Variants in FHDC1 observed in about 807,000 individuals in gnomAD.
The protein encoded by FHDC1 is FH2 domain containing 1.
FHDC1 carries 25 observed loss-of-function variants against 52.6 expected under a neutral mutation model. The ratio of observed to expected loss-of-function variants is 0.48; its 90% CI spans 0.35 to 0.66. The LOEUF (loss-of-function observed/expected upper bound fraction) is 0.66, where lower values mean the gene tolerates loss of function less well. Among genes scored for constraint, FHDC1 ranks in the 30% least tolerant of loss-of-function variants. The probability of loss-of-function intolerance (pLI) is 0.01; values close to 1 mark genes in which losing one functional copy is unlikely to be tolerated. For synonymous variants in FHDC1, 616 were observed against 581.5 expected, an observed-to-expected ratio of 1.06 and a Z score of -0.85; for missense variants, 1,459 against 1,452.8, an observed-to-expected ratio of 1.00 and a Z score of -0.07.
chr4:152,945,597 C>T (rs1167212296), intron 2 of FHDC1, among the ~76,000 whole-genome samples: 1 of 152,126 alleles, frequency 6.6e-6, no homozygotes, highest in Non-Finnish European at 1.5e-5. Flanking sequence ...GCTGGGATTA[C>T]AGGGGCGTGC....
intron 1 of FHDC1, among the ~76,000 whole-genome samples, chr4:152,936,760 T>C (rs941795873): frequency 1.3e-5 from 2 of 152,216 alleles, no homozygotes; most frequent in Non-Finnish European, 2.9e-5. Context: ...ACCTGGGCGG[T>C]TGACTATTAG....
chr4:152,960,432 G>T, intron 4 of FHDC1, 133 bp from the exon 5 acceptor site: 6 of 823,580 alleles, frequency 7.3e-6, no homozygotes, highest in Admixed American at 3.0e-5. Context: ...TTCCTTTTTT[G>T]TCTTTTCTAA....
intron 8 of FHDC1, among the ~76,000 whole-genome samples, chr4:152,963,777 T>TG (rs1740364196): frequency 9.9e-6 from 1 of 101,510 alleles, no homozygotes; most frequent in Non-Finnish European, 1.9e-5. Flanking sequence ...TTGTTTTTTT[T>TG]TTTTTTTTTT....
intron 9 of FHDC1, among the ~76,000 whole-genome samples, chr4:152,966,787 G>A (rs1012902715): frequency 6.6e-6 from 1 of 151,966 alleles, no homozygotes; most frequent in East Asian, 1.9e-4. Context: ...TTGATTTGAT[G>A]TATATAACAA....
At position 152,936,414 on chromosome 4, in the gene FHDC1, G is replaced by C. The variant is rs954980366; in HGVS notation, c.-131+5G>C. 1 of 152,264 alleles carries C rather than the reference G, an allele frequency of 6.6e-6. No homozygotes were observed. Among genetic ancestry groups the C allele is most frequent in the African/African-American group, 2.4e-5 (1 of 41,402 alleles). The allele number at this position is 152,264 out of a possible 1,614,324, so 9.4% of individuals were successfully genotyped here. The stretch of plus-strand genomic sequence containing the variant: ...GCGGGGGCGCGCTGGCCGCGGGTGA[G>C]TGCGGGTCGGGCGGCCGAGGCGGGG... On this transcript the variant is annotated splice_donor_5th_base_variant and intron_variant, in intron 1 of 11. Transcript: ENST00000511601.
chr4:152,960,591 C>T lies in FHDC1; in HGVS notation c.690C>T (p.Gly230=), dbSNP rs751935867. 26 of 1,613,978 alleles carry T rather than the reference C, an allele frequency of 1.6e-5. No individual in the cohort carries two copies. The East Asian group carries it at 2.0e-4, about 12-fold the overall frequency. ...TAAAGAAGTTAAAAGCGTTTAGTGG[C>T]GACGTGTCGAAGCTGTCTCTGGCAG... ...EEVKKLKAFS[G]DVSKLSLADS... The change falls in exon 5 of 12, where the codon GGC becomes GGT. Residue 230 remains glycine (G), a synonymous_variant. Transcript: ENST00000511601.
intron 11 of FHDC1, among the ~76,000 whole-genome samples, chr4:152,973,688 G>A (rs1422596266): frequency 2.0e-5 from 3 of 152,238 alleles, no homozygotes; most frequent in East Asian, 1.9e-4. Flanking sequence ...AAGAGTCCCC[G>A]GCTAGAGCCC....
intron 2 of FHDC1, among the ~76,000 whole-genome samples, chr4:152,944,234 T>A (rs1739660253): frequency 6.6e-6 from 1 of 152,186 alleles, no homozygotes. Flanking sequence ...ACTGAAAGCA[T>A]GACCCCAGAG....
Position 152,975,883 on chromosome 4 carries a change from A to G in FHDC1, c.2592A>G (p.Arg864=). Residue 864 remains arginine, a synonymous_variant, in exon 12 of 12, where the codon AGA becomes AGG. Transcript: ENST00000511601. ...GGAAAGATGTTGTAGCACCAAAGAG[A>G]GGCTCCCTGAAAGAGGCGTCTCCCG... ...TKRKDVVAPK[R]GSLKEASPGA... The G allele has an allele frequency of 6.6e-7, 1 of 1,513,874 alleles. No homozygotes were observed. The highest frequency in any genetic ancestry group is 1.4e-5 in the South Asian group (1 of 73,512). 93.8% of individuals were successfully genotyped at this position (1,513,874 alleles called of 1,614,324 possible).
intron 8 of FHDC1, 76 bp from the exon 9 acceptor site, chr4:152,964,829 T>C: frequency 8.1e-7 from 1 of 1,234,458 alleles, no homozygotes. Context: ...GATTTTAAGA[T>C]TCCTTTAAGC....
the FHDC1 span, among the ~76,000 whole-genome samples, chr4:152,922,119 CAAAG>C: frequency 6.6e-6 from 1 of 151,722 alleles, no homozygotes; most frequent in African/African-American, 2.4e-5. Context: ...GCAAGACTAA[CAAAG>C]AAGAAAAGAG....
chr4:152,962,947 G>GTA (rs748728112), intron 7 of FHDC1, 63 bp downstream of exon 7: 9 of 1,087,854 alleles, frequency 8.3e-6, no homozygotes, highest in Non-Finnish European at 1.1e-5. Flanking sequence ...AAAGGTGTGT[G>GTA]TGTGTGTGTG....
chr4:152,954,246 A>G lies in FHDC1; in HGVS notation c.590A>G (p.His197Arg), dbSNP rs1740012429. 1 of 1,614,204 alleles carries G rather than the reference A, an allele frequency of 6.2e-7. No homozygotes were observed. Among genetic ancestry groups the G allele is most frequent in the Middle Eastern group, 1.6e-4 (1 of 6,062 alleles). The stretch of plus-strand genomic sequence containing the variant: ...CCTCGGTCCATTGTAGAAGATATTC[A>G]TCAAGGAAAAAGTGAGCATTATGGA... ...KSPRSIVEDI[H>R]QGKSEHYGSE... Residue 197 changes from histidine to arginine, a missense_variant, in exon 4 of 12, where the codon CAT becomes CGT. By Grantham distance (29) the His-to-Arg change is conservative. Coordinates refer to ENST00000511601, the MANE Select transcript of FHDC1 (RefSeq NM_001371116.1).
At chr4:152,915,315 G>A in the FHDC1 span, among the ~76,000 whole-genome samples, 667 of 152,266 alleles carry the variant, frequency 4.4e-3, 4 homozygotes, top group African/African-American at 0.015. Context: ...ATTTCGCCAT[G>A]TGTGTCAGGC....
rs368501169 is a variant in FHDC1 at position 152,976,749 on chromosome 4, T to C, written c.*26T>C. On this transcript the variant is annotated 3_prime_UTR_variant, in exon 12 of 12. Coordinates refer to ENST00000511601, the MANE Select transcript of FHDC1 (RefSeq NM_001371116.1). ...TGGGTGCCTGTCCTCTCCTGCCTCC[T>C]GGGATTCAGACGGTGAAGACTGACT... The C allele has an allele frequency of 2.4e-5, 35 of 1,453,798 alleles. No homozygotes were observed. Among genetic ancestry groups the C allele is most frequent in the Non-Finnish European group, 3.2e-5 (35 of 1,099,256 alleles). 90.1% of individuals were successfully genotyped at this position (1,453,798 alleles called of 1,614,324 possible). A position where few individuals can be genotyped will look rare whatever the true frequency, so the allele number is the denominator to read the frequency against.
intron 6 of FHDC1, among the ~76,000 whole-genome samples, chr4:152,961,392 A>G (rs867235107): frequency 6.6e-5 from 10 of 152,096 alleles, no homozygotes; most frequent in South Asian, 2.1e-4. Context: ...AGCTATTTAA[A>G]TTTGAGAGGG....
In FHDC1 at chr4:152,943,328, C is replaced by G. The variant is rs1317996732; in HGVS notation, c.271C>G (p.Leu91Val). The change falls in exon 2 of 12, where the codon CTT becomes GTT. Residue 91 changes from leucine (L) to valine (V), a missense_variant. By Grantham distance (32) the Leu-to-Val change is conservative (BLOSUM62 1). Transcript: ENST00000511601. The part of the protein sequence containing the change: ...PTTHMNGYSH[L>V]GKKKRMRSFF... ...TACTCACATGAACGGCTACAGCCAC[C>G]TTGGTAAGAAAAAGCGGATGAGAAG... The G allele has an allele frequency of 2.5e-6, 4 of 1,613,216 alleles. No individual in the cohort carries two copies. Among genetic ancestry groups the G allele is most frequent in the Non-Finnish European group, 3.4e-6 (4 of 1,179,860 alleles).
At chr4:152,933,990 G>C (rs939535576), upstream of FHDC1, among the ~76,000 whole-genome samples, 5 of 152,154 alleles carry the variant, frequency 3.3e-5, no homozygotes, top group Non-Finnish European at 7.4e-5. Flanking sequence ...GATTTAGGAA[G>C]AAGAGAGAAG....
chr4:152,948,602 A>G (rs1739808471), intron 2 of FHDC1, among the ~76,000 whole-genome samples: 1 of 152,000 alleles, frequency 6.6e-6, no homozygotes, highest in Non-Finnish European at 1.5e-5. Context: ...ACATGCACAT[A>G]CCACCACGCC....
Sources: gnomAD v4.1 joint callset for allele counts (sites outside exome capture counted in the v4.1 genomes callset) on GRCh38, gnomAD v4.1.1 for gene constraint, MANE v1.5 for transcripts, NCBI Gene and HGNC (gene_info 2026-07-23, HGNC 2026-07-21) for gene names.